The following SEMA6A variants were observed in gnomAD, a reference collection of about 807,000 sequenced individuals.
The protein encoded by SEMA6A is semaphorin 6A.
A neutral mutation model predicts 96.8 loss-of-function variants in SEMA6A; 25 were observed. The ratio of observed to expected loss-of-function variants is 0.26; its 90% CI spans 0.19 to 0.36. The LOEUF is 0.36. SEMA6A is among the 10% of genes least tolerant of loss of function. SEMA6A has a pLI of 1.00. For missense variants in SEMA6A, 1,363 were observed against 1,323.1 expected, an observed-to-expected ratio of 1.03 and a Z score of -0.47; for synonymous variants, 612 against 518.0, an observed-to-expected ratio of 1.18 and a Z score of -2.46.
chr5:116,474,126 C>T (rs1287166886), intron 16 of SEMA6A, among the ~76,000 whole-genome samples: 1 of 152,094 alleles, frequency 6.6e-6, no homozygotes, highest in East Asian at 1.9e-4. Flanking sequence ...GACACAGTAC[C>T]AACCATCTTT....
intron 18 of SEMA6A, among the ~76,000 whole-genome samples, chr5:116,465,221 C>T (rs554561262): frequency 3.9e-5 from 6 of 152,224 alleles, no homozygotes; most frequent in East Asian, 3.9e-4. Flanking sequence ...AGTTAAGGGA[C>T]GCCATCATGA....
chr5:116,491,190 G>C (rs963122563), intron 7 of SEMA6A, among the ~76,000 whole-genome samples: 2 of 152,112 alleles, frequency 1.3e-5, no homozygotes, highest in Admixed American at 6.5e-5. Context: ...GCTTCCTTTT[G>C]TTTCTTTCCC....
At chr5:116,523,997 CA>C (rs1306052942) in intron 1 of SEMA6A, among the ~76,000 whole-genome samples, 1 of 152,092 alleles carries the variant, frequency 6.6e-6, no homozygotes, top group African/African-American at 2.4e-5. Context: ...ATTTCATGTC[CA>C]ATAACAACTG....
intron 1 of SEMA6A, among the ~76,000 whole-genome samples, chr5:116,571,140 GA>G (rs1333449340): frequency 6.6e-6 from 1 of 151,872 alleles, no homozygotes; most frequent in Non-Finnish European, 1.5e-5. Context: ...GGAAAATAAA[GA>G]AGTCCACTTT....
At chr5:116,569,168 G>T (rs1422810193) in intron 1 of SEMA6A, among the ~76,000 whole-genome samples, 1 of 152,182 alleles carries the variant, frequency 6.6e-6, no homozygotes, top group Non-Finnish European at 1.5e-5. Context: ...AATAAGGACT[G>T]CCAAGAGGTG....
chr5:116,560,123 T>A (rs1047937958), intron 1 of SEMA6A, among the ~76,000 whole-genome samples: 1 of 152,092 alleles, frequency 6.6e-6, no homozygotes, highest in Non-Finnish European at 1.5e-5. Context: ...ACCCCACTGC[T>A]CCTCCTCCCC....
chr5:116,447,514 T>G lies in SEMA6A; in HGVS notation c.2192A>C (p.Lys731Thr), dbSNP rs746996836. 6.2e-7 allele frequency: 1 copy of G among 1,614,082 alleles called. No homozygotes were observed. Among genetic ancestry groups the G allele is most frequent in the Non-Finnish European group, 8.5e-7 (1 of 1,179,910 alleles). ...GGCCGTGTTGCCGGGAGTGGCGAGC[T>G]TGCCGTTGTGCATGAGTGGCGTGAG... ...AILTPLMHNGKLATPGNTAKM... is the reference protein window; with the variant it reads ...AILTPLMHNGTLATPGNTAKM... Residue 731 changes from lysine to threonine, a missense_variant, in exon 19 of 19, where the codon AAG becomes ACG. Physicochemically the swap from Lys to Thr is moderately conservative, Grantham distance 78. Coordinates refer to ENST00000343348, the MANE Select transcript of SEMA6A (RefSeq NM_020796.5).
Position 116,488,141 on chromosome 5 carries a change from C to A in SEMA6A, c.711G>T (p.Arg237Ser). 1.9e-6 allele frequency: 3 copies of A among 1,612,190 alleles called. No individual in the cohort carries two copies. The highest frequency in any genetic ancestry group is 2.5e-6 in the Non-Finnish European group (3 of 1,178,926). Residue 237 changes from arginine (R) to serine (S), a missense_variant, in exon 9 of 19, where the codon AGG becomes AGT. Physicochemically the swap from Arg to Ser is moderately radical, Grantham distance 110. Around this residue, in one of 2 missense-constraint regions of SEMA6A, gnomAD observed 480 missense variants for 559.5 expected, o/e 0.86. Coordinates refer to ENST00000343348, the MANE Select transcript of SEMA6A (RefSeq NM_020796.5). ...TGGTGTTATACTCCACTGCTATTTC[C>A]CTGAAGAAGAAGTAGATATAATCTC... is the stretch of plus-strand genomic sequence containing the variant. ...DYGDYIYFFF[R>S]EIAVEYNTMG...
chr5:116,497,291 C>T, intron 4 of SEMA6A, 36 bp downstream of exon 4: 3 of 1,293,342 alleles, frequency 2.3e-6, no homozygotes, highest in Middle Eastern at 2.1e-4. Flanking sequence ...ATCCAAAGGT[C>T]CTTCATTTTA....
In SEMA6A at chr5:116,574,804, G is replaced by C. The variant is rs545389955; in HGVS notation, c.-658C>G. On this transcript the variant is annotated 5_prime_UTR_variant, in exon 1 of 19. Coordinates refer to ENST00000343348, the MANE Select transcript of SEMA6A (RefSeq NM_020796.5). ...GCGGAGTTGGCTGCAGCCTCACCCC[G>C]TGCCGCTCACTACTCCTCTGTCACC... is the stretch of plus-strand genomic sequence containing the variant. 38 of 152,510 alleles carry C rather than the reference G, an allele frequency of 2.5e-4. No homozygotes were observed. Among genetic ancestry groups the C allele is most frequent in the African/African-American group, 8.9e-4 (37 of 41,586 alleles). The allele number at this position is 152,510 out of a possible 1,614,324, so 9.4% of individuals were successfully genotyped here.
intron 6 of SEMA6A, among the ~76,000 whole-genome samples, chr5:116,494,146 C>A (rs978672750): frequency 2.6e-5 from 4 of 152,214 alleles, no homozygotes; most frequent in Non-Finnish European, 5.9e-5. Context: ...ATCCCTGGGG[C>A]TATCTACATC....
At chr5:116,454,059 G>A (rs1023074682) in intron 18 of SEMA6A, among the ~76,000 whole-genome samples, 1 of 152,078 alleles carries the variant, frequency 6.6e-6, no homozygotes, top group African/African-American at 2.4e-5. Context: ...TTCACTGGAC[G>A]GCCCGTTTCT....
intron 2 of SEMA6A, chr5:116,502,622 C>T (rs1457665125): frequency 6.7e-6 from 2 of 299,920 alleles, no homozygotes; most frequent in Non-Finnish European, 1.2e-5. Flanking sequence ...CTAGTGAACC[C>T]TTTGCATGAA....
At chr5:116,493,488 T>C (rs1399749607) in intron 6 of SEMA6A, among the ~76,000 whole-genome samples, 1 of 152,214 alleles carries the variant, frequency 6.6e-6, no homozygotes, top group East Asian at 1.9e-4. Flanking sequence ...ATGTATTAAT[T>C]AATTTTGATT....
intron 1 of SEMA6A, among the ~76,000 whole-genome samples, chr5:116,526,946 AATGCCCAGC>A (rs1291670084): frequency 6.6e-6 from 1 of 152,188 alleles, no homozygotes; most frequent in Admixed American, 6.6e-5. Flanking sequence ...AAGTGCATAT[AATGCCCAGC>A]ATGAGGAAAA....
intron 1 of SEMA6A, among the ~76,000 whole-genome samples, chr5:116,514,826 A>G (rs1368022679): frequency 6.6e-6 from 1 of 152,200 alleles, no homozygotes; most frequent in East Asian, 1.9e-4. Flanking sequence ...GCTGATGCAG[A>G]TAGAGATGGA....
chr5:116,497,893 G>A (rs1383448912), intron 3 of SEMA6A, among the ~76,000 whole-genome samples: 28 of 152,202 alleles, frequency 1.8e-4, no homozygotes, highest in Admixed American at 1.8e-3. Flanking sequence ...CAGGATGGAT[G>A]ACGACAAAGG....
intron 1 of SEMA6A, among the ~76,000 whole-genome samples, chr5:116,545,397 C>G (rs970467149): frequency 1.3e-5 from 2 of 152,006 alleles, no homozygotes; most frequent in East Asian, 3.9e-4. Context: ...TGGTCAAATC[C>G]CGTCTCTACT....
At chr5:116,457,839 C>G (rs986924617) in intron 18 of SEMA6A, among the ~76,000 whole-genome samples, 1 of 152,166 alleles carries the variant, frequency 6.6e-6, no homozygotes, top group African/African-American at 2.4e-5. Context: ...AAGAGTTTAT[C>G]TATTACTTGC....
Sources: gnomAD v4.1 joint callset for allele counts (sites outside exome capture counted in the v4.1 genomes callset) on GRCh38, gnomAD v4.1.1 for gene constraint, gnomAD v4.1.1 regional missense constraint, MANE v1.5 for transcripts, NCBI Gene and HGNC (gene_info 2026-07-23, HGNC 2026-07-21) for gene names.